The following ADAM12 variants were observed in gnomAD, a reference collection of about 807,000 sequenced individuals.
ADAM12 encodes the protein disintegrin and metalloproteinase domain-containing protein 12.
In ADAM12, 70 loss-of-function variants were observed where a neutral mutation model predicts 106.4. The ratio of observed to expected loss-of-function variants is 0.66; its 90% confidence interval spans 0.54 to 0.80. The LOEUF (loss-of-function observed/expected upper bound fraction) is 0.80. Among genes scored for constraint, ADAM12 ranks in the 30% least tolerant of loss-of-function variants. ADAM12 has a pLI of 0.00. For missense variants in ADAM12, 1,010 were observed against 1,171.9 expected, an observed-to-expected ratio of 0.86 and a Z score of 2.02; for synonymous variants, 420 against 433.5, an observed-to-expected ratio of 0.97 and a Z score of 0.39.
intron 10 of ADAM12, among the ~76,000 whole-genome samples, chr10:126,097,681 C>T (rs1052360115): frequency 2.0e-5 from 3 of 152,162 alleles, no homozygotes; most frequent in Non-Finnish European, 2.9e-5. Context: ...AGAGGAGACA[C>T]TAAATTTTCA....
In ADAM12 at chr10:126,189,508, G is replaced by A. The variant is rs182594240; in HGVS notation, c.261-34203C>T. On this transcript the variant is annotated intron_variant, in intron 3 of 22. Coordinates refer to ENST00000448723, the MANE Select transcript of ADAM12 (RefSeq NM_001288973.2). ...CACAAGTACGGCTGCTCTACTCTAC[G>A]GATACCACCAACTCTTAGGACTGTT... Among the ~76,000 whole-genome samples the A allele has an allele frequency of 1.3e-3, 191 of 152,202 alleles. 1 individual carries two copies. Among genetic ancestry groups the A allele is most frequent in the Non-Finnish European group, 1.3e-3 (86 of 68,004 alleles).
At chr10:126,178,403 G>A (rs1957256573) in intron 3 of ADAM12, among the ~76,000 whole-genome samples, 1 of 134,016 alleles carries the variant, frequency 7.5e-6, no homozygotes, top group African/African-American at 3.1e-5. Flanking sequence ...CTCATTGGAG[G>A]ACATCTTTTT....
intron 2 of ADAM12, among the ~76,000 whole-genome samples, chr10:126,312,859 G>C (rs952570880): frequency 2.0e-5 from 3 of 152,144 alleles, no homozygotes; most frequent in Non-Finnish European, 4.4e-5. Context: ...ACATATGCAC[G>C]TGAACATATG....
chr10:126,228,335 T>A (rs1170070221), intron 3 of ADAM12, among the ~76,000 whole-genome samples: 1 of 152,200 alleles, frequency 6.6e-6, no homozygotes. Flanking sequence ...TCAACTTCCA[T>A]TAAATGCATG....
At chr10:126,077,334 C>A (rs570138752) in intron 11 of ADAM12, among the ~76,000 whole-genome samples, 10 of 152,148 alleles carry the variant, frequency 6.6e-5, no homozygotes, top group African/African-American at 2.4e-4. Flanking sequence ...CTACCCAAAG[C>A]AATGTACAGA....
intron 1 of ADAM12, among the ~76,000 whole-genome samples, chr10:126,370,537 C>A (rs2133919124): frequency 6.6e-6 from 1 of 152,270 alleles, no homozygotes; most frequent in East Asian, 1.9e-4. Flanking sequence ...CCAGGCCCTG[C>A]AAATGGGTCT....
In ADAM12 at chr10:126,064,158, A is replaced by C. The variant is rs1356194510; in HGVS notation, c.1609+648T>G. Among the ~76,000 whole-genome samples the C allele has an allele frequency of 1.3e-5, 2 of 152,120 alleles. No homozygotes were observed. Among genetic ancestry groups the C allele is most frequent in the Non-Finnish European group, 2.9e-5 (2 of 68,020 alleles). On this transcript the variant is annotated intron_variant, in intron 14 of 22. Transcript: ENST00000448723. The surrounding 1 kb of genome is among the most constrained non-coding windows in gnomAD (Gnocchi z 4.4). ...CAAAGTGTGCCAAGTGCCCAGCCTGAACTGGTGAAATGGTGAACTGATGGT... is the reference window on the plus strand; with the variant it reads ...CAAAGTGTGCCAAGTGCCCAGCCTGCACTGGTGAAATGGTGAACTGATGGT...
chr10:126,240,603 T>C (rs1215860487), intron 3 of ADAM12, among the ~76,000 whole-genome samples: 1 of 152,236 alleles, frequency 6.6e-6, no homozygotes, highest in Non-Finnish European at 1.5e-5. Flanking sequence ...GGCTGAGACC[T>C]GAAGGCTGAG....
At position 126,074,358 on chromosome 10, in the gene ADAM12, G is replaced by A. The variant is rs370904979; in HGVS notation, c.1146-2704C>T. Among the ~76,000 whole-genome samples the A allele has an allele frequency of 2.2e-4, 33 of 152,226 alleles. 1 individual carries two copies. The highest frequency in any genetic ancestry group is 7.2e-4 in the African/African-American group (30 of 41,532). On this transcript the variant is annotated intron_variant, in intron 11 of 22. Coordinates refer to ENST00000448723, the MANE Select transcript of ADAM12 (RefSeq NM_001288973.2). Reference sequence around the variant, plus strand: ...GGATTGGAGAGCTGAGACCAGCTCCGTTCACTAAGCTCAGACATGCCTTCC... The same window carrying A: ...GGATTGGAGAGCTGAGACCAGCTCCATTCACTAAGCTCAGACATGCCTTCC...
intron 17 of ADAM12, among the ~76,000 whole-genome samples, chr10:126,044,184 C>T (rs536867228): frequency 3.3e-5 from 5 of 151,888 alleles, no homozygotes; most frequent in African/African-American, 1.2e-4. Flanking sequence ...TGCCTGTAAT[C>T]CCAGCAAGTG....
intron 3 of ADAM12, among the ~76,000 whole-genome samples, chr10:126,167,681 C>T (rs1416789988): frequency 6.6e-6 from 1 of 152,196 alleles, no homozygotes; most frequent in Non-Finnish European, 1.5e-5. Context: ...ATACCACCCG[C>T]AAATAGTCTA....
chr10:126,157,837 AC>A, intron 3 of ADAM12, among the ~76,000 whole-genome samples: 1 of 115,788 alleles, frequency 8.6e-6, no homozygotes, highest in South Asian at 3.7e-4. Flanking sequence ...TGGCCCTGTC[AC>A]GCAGTCATGA....
intron 6 of ADAM12, among the ~76,000 whole-genome samples, chr10:126,114,636 C>T (rs1274804067): frequency 2.0e-5 from 3 of 152,264 alleles, no homozygotes; most frequent in Non-Finnish European, 2.9e-5. Flanking sequence ...CCTGCCACTA[C>T]GCCCTGCTAA....
intron 21 of ADAM12, among the ~76,000 whole-genome samples, chr10:126,029,295 T>G (rs1590305414): frequency 6.6e-6 from 1 of 152,260 alleles, no homozygotes. Context: ...CATGCATATG[T>G]TCACTGCAGC....
rs930991524 is a variant in ADAM12, at chr10:126,049,506, A to G, written c.1718+55T>C. 7 of 1,613,324 alleles carry G rather than the reference A, an allele frequency of 4.3e-6. No individual in the cohort carries two copies. The African/African-American group carries it at 9.3e-5, about 22-fold the overall frequency. On this transcript the variant is annotated intron_variant, in intron 15 of 22. Coordinates refer to ENST00000448723, the MANE Select transcript of ADAM12 (RefSeq NM_001288973.2). This position sits in a 1 kb window ranked among gnomAD's most constrained non-coding sequence, Gnocchi z 4.4. ...GGAGAAACCATTTGGAACCAACCCT[A>G]TGCAATGTGGGAAGGTCAGAGCAAA...
At chr10:126,238,802 A>C (rs1292432800) in intron 3 of ADAM12, among the ~76,000 whole-genome samples, 1 of 152,210 alleles carries the variant, frequency 6.6e-6, no homozygotes, top group African/African-American at 2.4e-5. Flanking sequence ...AAGAAGTCAC[A>C]GGAAACAGAA....
chr10:126,191,975 A>G (rs1957510526), intron 3 of ADAM12, among the ~76,000 whole-genome samples: 1 of 152,076 alleles, frequency 6.6e-6, no homozygotes, highest in East Asian at 1.9e-4. Flanking sequence ...GAAGAGAGAG[A>G]ATGGGGAGGG....
At chr10:126,324,166 G>A (rs1285272580) in intron 2 of ADAM12, among the ~76,000 whole-genome samples, 1 of 152,242 alleles carries the variant, frequency 6.6e-6, no homozygotes, top group Non-Finnish European at 1.5e-5. Context: ...ACATCACAGA[G>A]ATGTGGACAA....
At chr10:126,292,308 G>T (rs1196806599) in intron 2 of ADAM12, among the ~76,000 whole-genome samples, 2 of 151,986 alleles carry the variant, frequency 1.3e-5, no homozygotes, top group African/African-American at 4.8e-5. Context: ...ACCCTCTTCT[G>T]ACTCTCTTTT....
Sources: allele counts gnomAD v4.1 joint callset (sites outside exome capture counted in the v4.1 genomes callset), GRCh38; gene constraint gnomAD v4.1.1; non-coding constraint Gnocchi (gnomAD v3.1); transcripts MANE v1.5; gene names NCBI Gene and HGNC (gene_info 2026-07-23, HGNC 2026-07-21).